The following STAT1 variants were observed in gnomAD, a reference collection of about 807,000 sequenced individuals.
STAT1 encodes signal transducer and activator of transcription 1.
STAT1 carries 24 observed loss-of-function variants against 111.7 expected under a neutral mutation model. The ratio of observed to expected loss-of-function variants is 0.21; its 90% confidence interval spans 0.16 to 0.30. STAT1 has a LOEUF of 0.30. Ranked by LOEUF, STAT1 falls within the 10% of genes least tolerant of loss-of-function variation. STAT1 has a pLI of 1.00. For missense variants in STAT1, 351 were observed against 911.9 expected (o/e 0.38, Z 7.92); for synonymous variants, 332 against 326.5 (o/e 1.02, Z -0.18).
Position 190,974,760 on chromosome 2 carries a change from A to G in STAT1, c.2238+70T>C. 2 of 1,372,194 alleles carry G rather than the reference A, an allele frequency of 1.5e-6. No homozygotes were observed. Among genetic ancestry groups the G allele is most frequent in the South Asian group, 2.3e-5 (2 of 85,884 alleles). 85.0% of individuals were successfully genotyped at this position (1,372,194 alleles called of 1,614,324 possible). On this transcript the variant is annotated intron_variant, in intron 24 of 24. Coordinates refer to ENST00000361099, the MANE Select transcript of STAT1 (RefSeq NM_007315.4). The surrounding 1 kb of genome is among the most constrained non-coding windows in gnomAD (Gnocchi z 4.8). Reference sequence around the variant, plus strand: ...CCCGCAGACAGGCCCGGGATCTGCCATGGTGCGCTCCCTGCCTCTGAGCAC... The same window carrying G: ...CCCGCAGACAGGCCCGGGATCTGCCGTGGTGCGCTCCCTGCCTCTGAGCAC...
chr2:190,995,739 T>C lies in STAT1; in HGVS notation c.786-520A>G, dbSNP rs1481265464. Among the ~76,000 whole-genome samples, 1 of 152,204 alleles carries C rather than the reference T, an allele frequency of 6.6e-6. No individual in the cohort carries two copies. Among genetic ancestry groups the C allele is most frequent in the Non-Finnish European group, 1.5e-5 (1 of 68,036 alleles). Reference sequence around the variant, plus strand: ...TAGGGAAAAACAAAGGGAACGAGGCTTGTGCCAGCAGTAGAAGCTTTGTTA... The same window carrying C: ...TAGGGAAAAACAAAGGGAACGAGGCCTGTGCCAGCAGTAGAAGCTTTGTTA... On this transcript the variant is annotated intron_variant, in intron 9 of 24. Coordinates refer to ENST00000361099, the MANE Select transcript of STAT1 (RefSeq NM_007315.4). The surrounding 1 kb of genome is among the most constrained non-coding windows in gnomAD (Gnocchi z 4.2).
In STAT1 at chr2:190,978,789, T is replaced by C. The variant is rs112649322; in HGVS notation, c.1873+67A>G. On this transcript the variant is annotated intron_variant, in intron 21 of 24. Coordinates refer to ENST00000361099, the MANE Select transcript of STAT1 (RefSeq NM_007315.4). This position sits in a 1 kb window ranked among gnomAD's most constrained non-coding sequence, Gnocchi z 6.1. ...AAACGCACTATCTGTATGAGCTGAC[T>C]GGCGGCGATGAAGAGGGACTTCACA... is the stretch of plus-strand genomic sequence containing the variant. 1.6e-5 allele frequency: 26 copies of C among 1,590,264 alleles called. No homozygotes were observed. The African/African-American group carries it at 1.9e-4, about 11-fold the overall frequency.
intron 3 of STAT1, 101 bp downstream of exon 3, chr2:191,009,775 T>C (rs1030323147): frequency 1.9e-5 from 27 of 1,448,002 alleles, no homozygotes; most frequent in African/African-American, 1.3e-4. Flanking sequence ...CCAGTGGCCA[T>C]TGATGGAATT....
At position 190,979,961 on chromosome 2, in the gene STAT1, G is replaced by T; in HGVS notation, c.1633-95C>A. The T allele has an allele frequency of 1.2e-6, 1 of 821,094 alleles. No individual in the cohort carries two copies. Among genetic ancestry groups the T allele is most frequent in the Non-Finnish European group, 2.1e-6 (1 of 487,334 alleles). The allele number at this position is 821,094 out of a possible 1,614,324, so 50.9% of individuals were successfully genotyped here. On this transcript the variant is annotated intron_variant, in intron 19 of 24. Transcript: ENST00000361099. This position sits in a 1 kb window ranked among gnomAD's most constrained non-coding sequence, Gnocchi z 5.8. ...CATCATTTGCAAAGACTCCCCAGGT[G>T]CCAAGGATGGAACTGTCCCATTCAG...
In STAT1 at chr2:191,000,980, A is replaced by G; in HGVS notation, c.462+94T>C. On this transcript the variant is annotated intron_variant, in intron 6 of 24. Transcript: ENST00000361099. This position sits in a 1 kb window ranked among gnomAD's most constrained non-coding sequence, Gnocchi z 4.8. ...TTCTTCCCAACTACTTAAAAGACTGAACTCAGTTACGAGGTTTACACCCCA... is the reference window on the plus strand; with the variant it reads ...TTCTTCCCAACTACTTAAAAGACTGGACTCAGTTACGAGGTTTACACCCCA... 9.4e-7 allele frequency: 1 copy of G among 1,059,896 alleles called. No individual in the cohort carries two copies. 65.7% of individuals were successfully genotyped at this position (1,059,896 alleles called of 1,614,324 possible). A position where few individuals can be genotyped will look rare whatever the true frequency, so the allele number is the denominator to read the frequency against.
In STAT1 at chr2:191,003,460, G is replaced by A. The variant is rs1694436208; in HGVS notation, c.373-2297C>T. ...CCATTGTTGGAGGTGGGGCCTGGTGGAAGGTGACTGGATCACGGGGACAGT... is the reference window on the plus strand; with the variant it reads ...CCATTGTTGGAGGTGGGGCCTGGTGAAAGGTGACTGGATCACGGGGACAGT... On this transcript the variant is annotated intron_variant, in intron 5 of 24. Coordinates refer to ENST00000361099, the MANE Select transcript of STAT1 (RefSeq NM_007315.4). The surrounding 1 kb of genome is among the most constrained non-coding windows in gnomAD (Gnocchi z 4.0). Among the ~76,000 whole-genome samples the A allele has an allele frequency of 6.6e-6, 1 of 152,190 alleles. No homozygotes were observed. Among genetic ancestry groups the A allele is most frequent in the Admixed American group, 6.5e-5 (1 of 15,278 alleles).
rs1165715626 is a variant in STAT1, at chr2:190,993,028, G to A, written c.945-1708C>T. On this transcript the variant is annotated intron_variant, in intron 10 of 24. Transcript: ENST00000361099. The surrounding 1 kb of genome is among the most constrained non-coding windows in gnomAD (Gnocchi z 4.1). Reference sequence around the variant, plus strand: ...TGCTCTCGAACTCCTGACCTCAGGTGATCCACCCACCTCGGCCTCCCAAAG... The same window carrying A: ...TGCTCTCGAACTCCTGACCTCAGGTAATCCACCCACCTCGGCCTCCCAAAG... 1 of 301,094 alleles carries A rather than the reference G, an allele frequency of 3.3e-6. No individual in the cohort carries two copies. The highest frequency in any genetic ancestry group is 2.3e-5 in the African/African-American group (1 of 44,342). The allele number at this position is 301,094 out of a possible 1,614,324, so 18.7% of individuals were successfully genotyped here. A position where few individuals can be genotyped will look rare whatever the true frequency, so the allele number is the denominator to read the frequency against.
rs1694671071 is a variant in STAT1 at position 191,006,132 on chromosome 2, T to C, written c.372+1431A>G. Among the ~76,000 whole-genome samples the C allele has an allele frequency of 6.6e-6, 1 of 152,224 alleles. No individual in the cohort carries two copies. The highest frequency in any genetic ancestry group is 1.5e-5 in the Non-Finnish European group (1 of 68,028). On this transcript the variant is annotated intron_variant, in intron 5 of 24. Transcript: ENST00000361099. The surrounding 1 kb of genome is among the most constrained non-coding windows in gnomAD (Gnocchi z 4.6). ...AACAGGTTGTCCTTCTGCCCATCTT[T>C]GCTCCTGGCTGTCCTTTCAAGTCTA...
intron 5 of STAT1, among the ~76,000 whole-genome samples, chr2:191,001,609 A>G (rs1694274829): frequency 6.6e-6 from 1 of 152,262 alleles, no homozygotes; most frequent in Admixed American, 6.5e-5. Context: ...AGGCAATCAG[A>G]AAACCCTATT....
rs1693865137 is a variant in STAT1 at position 190,996,491 on chromosome 2, A to G, written c.786-1272T>C. Among the ~76,000 whole-genome samples the G allele has an allele frequency of 6.6e-6, 1 of 152,160 alleles. No homozygotes were observed. ...AAAATGACAGCACAGTGGGAAAACT[A>G]GAGGGCATGTGTGTCCCTACAAGAG... On this transcript the variant is annotated intron_variant, in intron 9 of 24. Transcript: ENST00000361099. The surrounding 1 kb of genome is among the most constrained non-coding windows in gnomAD (Gnocchi z 4.5).
rs1009637680 is a variant in STAT1 at position 190,997,773 on chromosome 2, C to T, written c.785+83G>A. The T allele has an allele frequency of 6.3e-7, 1 of 1,595,044 alleles. No homozygotes were observed. The highest frequency in any genetic ancestry group is 1.3e-5 in the African/African-American group (1 of 74,696). On this transcript the variant is annotated intron_variant, in intron 9 of 24. Coordinates refer to ENST00000361099, the MANE Select transcript of STAT1 (RefSeq NM_007315.4). The surrounding 1 kb of genome is among the most constrained non-coding windows in gnomAD (Gnocchi z 7.3). ...TACTAATGTTTTGACAGGGTCCATT[C>T]AACTAACACAGCTCAAAGGTACATT... is the stretch of plus-strand genomic sequence containing the variant.
chr2:190,989,179 CA>C lies in STAT1; in HGVS notation c.1097+435del, dbSNP rs1322335664. ...CTGGACGTTCAGCCTCGGGTTGGAT[CA>C]GGGGCCTCTCCTTTGGGGCTGACCT... On this transcript the variant is annotated intron_variant, in intron 12 of 24. Coordinates refer to ENST00000361099, the MANE Select transcript of STAT1 (RefSeq NM_007315.4). The surrounding 1 kb of genome is among the most constrained non-coding windows in gnomAD (Gnocchi z 5.0). Among the ~76,000 whole-genome samples the C allele has an allele frequency of 6.6e-6, 1 of 152,220 alleles. No homozygotes were observed. The highest frequency in any genetic ancestry group is 1.5e-5 in the Non-Finnish European group (1 of 68,032).
chr2:190,984,242 A>G lies in STAT1; in HGVS notation c.1347+68T>C. 7.7e-7 allele frequency: 1 copy of G among 1,299,750 alleles called. No individual in the cohort carries two copies. Among genetic ancestry groups the G allele is most frequent in the Non-Finnish European group, 1.1e-6 (1 of 899,490 alleles). The allele number at this position is 1,299,750 out of a possible 1,614,324, so 80.5% of individuals were successfully genotyped here. ...ACCTCCAGAACAAACACTGAGAAAT[A>G]AAAATACATGTAACAATTAAAAGTA... is the stretch of plus-strand genomic sequence containing the variant. On this transcript the variant is annotated intron_variant, in intron 16 of 24. Transcript: ENST00000361099. The surrounding 1 kb of genome is among the most constrained non-coding windows in gnomAD (Gnocchi z 5.2).
In STAT1 at chr2:190,976,741, A is replaced by G; in HGVS notation, c.2059+99T>C. 9.3e-7 allele frequency: 1 copy of G among 1,077,328 alleles called. No homozygotes were observed. The highest frequency in any genetic ancestry group is 1.5e-5 in the African/African-American group (1 of 64,534). 66.7% of individuals were successfully genotyped at this position (1,077,328 alleles called of 1,614,324 possible). On this transcript the variant is annotated intron_variant, in intron 22 of 24. Coordinates refer to ENST00000361099, the MANE Select transcript of STAT1 (RefSeq NM_007315.4). The surrounding 1 kb of genome is among the most constrained non-coding windows in gnomAD (Gnocchi z 6.0). ...ATCTTTTGAAAGCCTACTCTTACCA[A>G]TTCGAAAGCAAAACACTGCATGGGT... is the stretch of plus-strand genomic sequence containing the variant.
chr2:191,007,110 C>T lies in STAT1; in HGVS notation c.372+453G>A, dbSNP rs991361788. Among the ~76,000 whole-genome samples, 15 of 152,202 alleles carry T rather than the reference C, an allele frequency of 9.9e-5. No individual in the cohort carries two copies. The highest frequency in any genetic ancestry group is 1.3e-4 in the Non-Finnish European group (9 of 68,032). On this transcript the variant is annotated intron_variant, in intron 5 of 24. Transcript: ENST00000361099. The surrounding 1 kb of genome is among the most constrained non-coding windows in gnomAD (Gnocchi z 4.2). Reference sequence around the variant, plus strand: ...TTCTATATTGGTATCACATCCAAAGCATAACCTGAATCTGTCCACCTCTTC... The same window carrying T: ...TTCTATATTGGTATCACATCCAAAGTATAACCTGAATCTGTCCACCTCTTC...
Position 190,990,890 on chromosome 2 carries a change from G to A in STAT1, c.1037+338C>T, listed in dbSNP as rs969222442. Reference sequence around the variant, plus strand: ...AGCTTCTGGGGTTCATAAGGCTCAGGTTATGAGCCTATGCCCAAGAGGGGT... The same window carrying A: ...AGCTTCTGGGGTTCATAAGGCTCAGATTATGAGCCTATGCCCAAGAGGGGT... On this transcript the variant is annotated intron_variant, in intron 11 of 24. Coordinates refer to ENST00000361099, the MANE Select transcript of STAT1 (RefSeq NM_007315.4). This position sits in a 1 kb window ranked among gnomAD's most constrained non-coding sequence, Gnocchi z 5.1. 8.5e-5 allele frequency among the ~76,000 whole-genome samples: 13 copies of A among 152,162 alleles called. No homozygotes were observed. Among genetic ancestry groups the A allele is most frequent in the African/African-American group, 2.4e-4 (10 of 41,420 alleles).
In STAT1 at chr2:190,982,562, C is replaced by A. The variant is rs752215394; in HGVS notation, c.1447-44G>T. 1.9e-6 allele frequency: 3 copies of A among 1,609,692 alleles called. No individual in the cohort carries two copies. The highest frequency in any genetic ancestry group is 2.6e-6 in the Non-Finnish European group (3 of 1,176,182). On this transcript the variant is annotated intron_variant, in intron 17 of 24. Transcript: ENST00000361099. The surrounding 1 kb of genome is among the most constrained non-coding windows in gnomAD (Gnocchi z 7.3). Reference sequence around the variant, plus strand: ...AAATCTAAGGGTTACTACAGAGACACCAGTCACAAGTGTGGCACTAAAACA... The same window carrying A: ...AAATCTAAGGGTTACTACAGAGACAACAGTCACAAGTGTGGCACTAAAACA...
At position 190,979,174 on chromosome 2, in the gene STAT1, A is replaced by C. The variant is rs554765236; in HGVS notation, c.1728-173T>G. Among the ~76,000 whole-genome samples, 1 of 152,242 alleles carries C rather than the reference A, an allele frequency of 6.6e-6. No homozygotes were observed. Among genetic ancestry groups the C allele is most frequent in the East Asian group, 1.9e-4 (1 of 5,204 alleles). ...ACACTTAAGGAAGCATTTCACTTAT[A>C]CATGTATATACTAAGGTTTTAAAAA... On this transcript the variant is annotated intron_variant, in intron 20 of 24. Coordinates refer to ENST00000361099, the MANE Select transcript of STAT1 (RefSeq NM_007315.4). This position sits in a 1 kb window ranked among gnomAD's most constrained non-coding sequence, Gnocchi z 5.8.
chr2:190,988,343 G>C (rs1420938141), intron 12 of STAT1, among the ~76,000 whole-genome samples: 2 of 152,174 alleles, frequency 1.3e-5, no homozygotes, highest in African/African-American at 4.8e-5. Context: ...CACAGAATAT[G>C]AGAAATAATG....
Sources: allele counts gnomAD v4.1 joint callset (sites outside exome capture counted in the v4.1 genomes callset), GRCh38; gene constraint gnomAD v4.1.1; non-coding constraint Gnocchi (gnomAD v3.1); transcripts MANE v1.5; gene names NCBI Gene and HGNC (gene_info 2026-07-23, HGNC 2026-07-21).